Variants in GDI2 observed in about 807,000 individuals in gnomAD.
The protein encoded by GDI2 is rab GDP dissociation inhibitor beta.
GDI2 carries 22 observed loss-of-function variants against 54.2 expected under a neutral mutation model. The observed-to-expected ratio is 0.41, with a 90% confidence interval of 0.29 to 0.58. The LOEUF (loss-of-function observed/expected upper bound fraction) is 0.58. Among genes scored for constraint, GDI2 ranks in the 20% least tolerant of loss-of-function variants. The pLI is 0.35. For synonymous variants in GDI2, 177 were observed against 182.1 expected, an observed-to-expected ratio of 0.97 and a Z score of 0.23; for missense variants, 422 against 546.0, an observed-to-expected ratio of 0.77 and a Z score of 2.26.
At chr10:5,807,711 T>C (rs760019480) in intron 1 of GDI2, among the ~76,000 whole-genome samples, 4 of 152,036 alleles carry the variant, frequency 2.6e-5, no homozygotes, top group East Asian at 3.9e-4. Context: ...CGTGTAGATA[T>C]GTGGATGTGG....
chr10:5,809,968 T>C (rs1841454606), intron 1 of GDI2, among the ~76,000 whole-genome samples: 1 of 152,236 alleles, frequency 6.6e-6, no homozygotes, highest in Non-Finnish European at 1.5e-5. Flanking sequence ...CATTTGCAAA[T>C]ATTGATCCTA....
At chr10:5,773,317 AGAAGAATTAATTCATATGGTGATAAAGG>A (rs1242129440) in intron 7 of GDI2, among the ~76,000 whole-genome samples, 6 of 152,220 alleles carry the variant, frequency 3.9e-5, no homozygotes, top group Non-Finnish European at 7.3e-5. Context: ...GTCAAATGGC[AGAAGAATTAATTCATATGGTGATAAAGG>A]GAAACGATCT....
chr10:5,768,609 T>C lies in GDI2; in HGVS notation c.820-225A>G. The C allele has an allele frequency of 1.9e-6, 1 of 513,044 alleles. No individual in the cohort carries two copies. 31.8% of individuals were successfully genotyped at this position (513,044 alleles called of 1,614,324 possible). On this transcript the variant is annotated intron_variant, in intron 7 of 10. Coordinates refer to ENST00000380191, the MANE Select transcript of GDI2 (RefSeq NM_001494.4). The surrounding 1 kb of genome is among the most constrained non-coding windows in gnomAD (Gnocchi z 4.4). Reference sequence around the variant, plus strand: ...TAAAAAGCTACAGTGATCAATTCAGTGTGGTACTGGCATAATGACAAACGT... The same window carrying C: ...TAAAAAGCTACAGTGATCAATTCAGCGTGGTACTGGCATAATGACAAACGT...
rs757136543 is a variant in GDI2, at chr10:5,795,004, A to G, written c.269T>C (p.Met90Thr). The change falls in exon 4 of 11, where the codon ATG becomes ACG. Residue 90 changes from methionine to threonine, a missense_variant. Coordinates refer to ENST00000380191, the MANE Select transcript of GDI2 (RefSeq NM_001494.4). ...FLMANGQLVKMLLYTEVTRYL... is the reference protein window; with the variant it reads ...FLMANGQLVKTLLYTEVTRYL... ...GCGAGTTACCTCTGTATAAAGCAGC[A>G]TCTTAACCAGCTGACCTAGAAAAGT... 77 of 1,588,564 alleles carry G rather than the reference A, an allele frequency of 4.8e-5. No homozygotes were observed. In the Admixed American group the frequency reaches 1.3e-3, roughly 26 times the overall value.
At position 5,813,427 on chromosome 10, in the gene GDI2, G is replaced by C. The variant is rs1025169651; in HGVS notation, c.-169C>G. 2.6e-5 allele frequency: 8 copies of C among 310,302 alleles called. No individual in the cohort carries two copies. Among genetic ancestry groups the C allele is most frequent in the Admixed American group, 1.8e-4 (4 of 22,768 alleles). The allele number at this position is 310,302 out of a possible 1,614,324, so 19.2% of individuals were successfully genotyped here. A position where few individuals can be genotyped will look rare whatever the true frequency, so the allele number is the denominator to read the frequency against. ...CCGACCGCCACCTCAGACGGGAAGA[G>C]AAGAACTGGGCGGGGAGAGGAGGGG... On this transcript the variant is annotated 5_prime_UTR_variant, in exon 1 of 11. Coordinates refer to ENST00000380191, the MANE Select transcript of GDI2 (RefSeq NM_001494.4).
Position 5,813,349 on chromosome 10 carries a change from CG to C in GDI2, c.-92del, listed in dbSNP as rs1841516699. On this transcript the variant is annotated 5_prime_UTR_variant, in exon 1 of 11. Transcript: ENST00000380191. The stretch of plus-strand genomic sequence containing the variant: ...CGAGGCTGGGAGGCGCTCTTGGGCG[CG>C]AAGGAAAGGGGAAGAGAAAGAGAGG... 2 of 918,340 alleles carry C rather than the reference CG, an allele frequency of 2.2e-6. No individual in the cohort carries two copies. The highest frequency in any genetic ancestry group is 1.7e-5 in the African/African-American group (1 of 59,220). The allele number at this position is 918,340 out of a possible 1,614,324, so 56.9% of individuals were successfully genotyped here.
At position 5,775,621 on chromosome 10, in the gene GDI2, A is replaced by G. The variant is rs75186198; in HGVS notation, c.720-1680T>C. ...ATGATAAAATATCTTCAAATCCTTA[A>G]CTACCTCCAGAAGTGCTCACACAGG... On this transcript the variant is annotated intron_variant, in intron 6 of 10. Transcript: ENST00000380191. Among the ~76,000 whole-genome samples, 271 of 152,322 alleles carry G rather than the reference A, an allele frequency of 1.8e-3. 2 individuals are homozygous for G. The highest frequency in any genetic ancestry group is 3.4e-3 in the Middle Eastern group (1 of 294).
chr10:5,782,379 A>G (rs1022144347), intron 6 of GDI2, among the ~76,000 whole-genome samples: 3 of 152,240 alleles, frequency 2.0e-5, no homozygotes, highest in South Asian at 2.1e-4. Flanking sequence ...GTGTATACAC[A>G]ATGACACAAC....
intron 4 of GDI2, among the ~76,000 whole-genome samples, chr10:5,787,683 T>C (rs779941563): frequency 2.0e-5 from 3 of 152,226 alleles, no homozygotes; most frequent in Non-Finnish European, 4.4e-5. Flanking sequence ...ACAAGTGTAG[T>C]TGTAAGAGCT....
chr10:5,785,157 G>A lies in GDI2; in HGVS notation c.704C>T (p.Pro235Leu). 6.3e-7 allele frequency: 1 copy of A among 1,597,330 alleles called. No homozygotes were observed. The highest frequency in any genetic ancestry group is 8.5e-7 in the Non-Finnish European group (1 of 1,173,452). The stretch of plus-strand genomic sequence containing the variant: ...AGGCTCTTACCTTGCAAATCCTTGG[G>A]GCAGTTCTCCAAGGCCATAGAGTGG... ...LYPLYGLGELPQGFARLSAIY... is the reference protein window; with the variant it reads ...LYPLYGLGELLQGFARLSAIY... Residue 235 changes from proline to leucine, a missense_variant, in exon 6 of 11, where the codon CCC becomes CTC. Pro to Leu is a moderately conservative substitution (Grantham distance 98). Transcript: ENST00000380191.
At chr10:5,772,749 G>A (rs1251283212) in intron 7 of GDI2, among the ~76,000 whole-genome samples, 1 of 152,080 alleles carries the variant, frequency 6.6e-6, no homozygotes, top group African/African-American at 2.4e-5. Flanking sequence ...AGAGCAAAAC[G>A]ATTTGATGTC....
At chr10:5,806,004 T>C (rs2131721178) in intron 1 of GDI2, among the ~76,000 whole-genome samples, 1 of 152,370 alleles carries the variant, frequency 6.6e-6, no homozygotes, top group South Asian at 2.1e-4. Context: ...CTATTACAAA[T>C]AATGCTCTAT....
intron 6 of GDI2, 57 bp downstream of exon 6, chr10:5,785,085 C>T (rs962844531): frequency 3.2e-6 from 4 of 1,248,064 alleles, no homozygotes; most frequent in African/African-American, 3.0e-5. Context: ...ATCTCATATA[C>T]ACATTATGTT....
Position 5,766,365 on chromosome 10 carries a change from T to A in GDI2, c.1137-70A>T, listed in dbSNP as rs923077330. The A allele has an allele frequency of 1.5e-5, 22 of 1,492,446 alleles. No individual in the cohort carries two copies. In the African/African-American group the frequency reaches 2.6e-4, roughly 18 times the overall value. The allele number at this position is 1,492,446 out of a possible 1,614,324, so 92.5% of individuals were successfully genotyped here. ...GACCATGGCTCTGCCTGAGGTCAAC[T>A]GAGAGGTACAGATGAATCCCACAGA... is the stretch of plus-strand genomic sequence containing the variant. On this transcript the variant is annotated intron_variant, in intron 9 of 10. Transcript: ENST00000380191. This position sits in a 1 kb window ranked among gnomAD's most constrained non-coding sequence, Gnocchi z 5.8.
Position 5,766,265 on chromosome 10 carries a change from T to C in GDI2, c.1167A>G (p.Pro389=). The C allele has an allele frequency of 1.2e-6, 2 of 1,613,902 alleles. No individual in the cohort carries two copies. The highest frequency in any genetic ancestry group is 2.2e-5 in the East Asian group (1 of 44,888). The change falls in exon 10 of 11, where the codon CCA becomes CCG. Residue 389 remains proline (P), a synonymous_variant. Transcript: ENST00000380191. This position sits in a 1 kb window ranked among gnomAD's most constrained non-coding sequence, Gnocchi z 5.8. ...KFVSISDLLV[P]KDLGTESQIF... ...CCTGGCTTTCTGTTCCCAAGTCTTTTGGTACCAGGAGGTCACTGATGCTAA... is the reference window on the plus strand; with the variant it reads ...CCTGGCTTTCTGTTCCCAAGTCTTTCGGTACCAGGAGGTCACTGATGCTAA...
chr10:5,792,670 G>A lies in GDI2; in HGVS notation c.388+2215C>T, dbSNP rs1480446339. On this transcript the variant is annotated intron_variant, in intron 4 of 10. Transcript: ENST00000380191. ...AAACCTAGCCTTAAAAATATATACAGAAGCATATGCGCTTATTCAAAAAAA... is the reference window on the plus strand; with the variant it reads ...AAACCTAGCCTTAAAAATATATACAAAAGCATATGCGCTTATTCAAAAAAA... Among the ~76,000 whole-genome samples the A allele has an allele frequency of 6.3e-5, 9 of 143,260 alleles. No individual in the cohort carries two copies. The Admixed American group carries it at 6.5e-4, about 10-fold the overall frequency. The allele number at this position is 143,260 out of a possible 152,430, so 94.0% of individuals were successfully genotyped here. A position where few individuals can be genotyped will look rare whatever the true frequency, so the allele number is the denominator to read the frequency against.
intron 6 of GDI2, among the ~76,000 whole-genome samples, 192 bp downstream of exon 6, chr10:5,784,950 T>C (rs55856302): frequency 0.024 from 3,658 of 152,368 alleles, 147 homozygotes; most frequent in African/African-American, 0.082. Context: ...TCAGCTACAG[T>C]TGTATAAAAC....
chr10:5,803,300 T>C (rs780536905), intron 1 of GDI2, among the ~76,000 whole-genome samples: 1 of 152,112 alleles, frequency 6.6e-6, no homozygotes, highest in Non-Finnish European at 1.5e-5. Flanking sequence ...TGAGCACCTG[T>C]AGTCCCTGCT....
intron 4 of GDI2, among the ~76,000 whole-genome samples, chr10:5,793,097 C>T (rs7915488): frequency 7.9e-5 from 12 of 152,050 alleles, no homozygotes; most frequent in African/African-American, 2.2e-4. Flanking sequence ...TGGACTCAAG[C>T]GATCCTCCTG....
Sources: gnomAD v4.1 joint callset for allele counts (sites outside exome capture counted in the v4.1 genomes callset) on GRCh38, gnomAD v4.1.1 for gene constraint, Gnocchi (gnomAD v3.1) non-coding constraint, MANE v1.5 for transcripts, NCBI Gene and HGNC (gene_info 2026-07-23, HGNC 2026-07-21) for gene names.